Variants in ZNF76 observed in about 807,000 individuals in gnomAD.
ZNF76 encodes the protein zinc finger protein 523.
In ZNF76, 66 loss-of-function variants were observed where a neutral mutation model predicts 66.9. The observed-to-expected ratio is 0.99, with a 90% CI of 0.81 to 1.21. The LOEUF is 1.21. Ranked by LOEUF, ZNF76 falls within the 50% of genes most tolerant of loss-of-function variation. The pLI, the probability that ZNF76 is intolerant of heterozygous loss-of-function variation, is 0.00. For synonymous variants in ZNF76, 275 were observed against 296.1 expected (o/e 0.93, Z 0.73); for missense variants, 729 against 760.3 (o/e 0.96, Z 0.48).
At chr6:35,293,194 C>A in intron 11 of ZNF76, 150 bp downstream of exon 11, 1 of 914,092 alleles carries the variant, frequency 1.1e-6, no homozygotes, top group Non-Finnish European at 1.6e-6. Flanking sequence ...CTGAGGAGAC[C>A]ACATCTTGCA....
intron 2 of ZNF76, 42 bp from the exon 3 acceptor site, chr6:35,286,086 T>C: frequency 6.3e-7 from 1 of 1,597,852 alleles, no homozygotes; most frequent in Non-Finnish European, 8.6e-7. Context: ...CTTAGCCCTC[T>C]TCTGGTCCTG....
At position 35,293,737 on chromosome 6, in the gene ZNF76, C is replaced by G. The variant is rs775869884; in HGVS notation, c.1330-14C>G. On this transcript the variant is annotated splice_polypyrimidine_tract_variant and intron_variant, in intron 11 of 13. Transcript: ENST00000373953. ...CACTGACACTGCCAGCTCATCTTCC[C>G]CTCCTGTTGGCAGGTCAGCCTGTCC... 17 of 1,612,572 alleles carry G rather than the reference C, an allele frequency of 1.1e-5. No homozygotes were observed. The highest frequency in any genetic ancestry group is 1.4e-5 in the Non-Finnish European group (17 of 1,179,090).
At chr6:35,276,468 T>G (rs1374967005) in intron 1 of ZNF76, among the ~76,000 whole-genome samples, 5 of 152,220 alleles carry the variant, frequency 3.3e-5, no homozygotes, top group Non-Finnish European at 5.9e-5. Context: ...ATTTAATCCC[T>G]TACAGCAGGC....
chr6:35,288,649 C>CTCATGTCT (rs1789945176), intron 5 of ZNF76, among the ~76,000 whole-genome samples: 1 of 152,040 alleles, frequency 6.6e-6, no homozygotes, highest in South Asian at 2.1e-4. Context: ...AAAGGAAGTC[C>CTCATGTCT]TCATGTCTTT....
chr6:35,267,130 T>G (rs1786268400), intron 1 of ZNF76, among the ~76,000 whole-genome samples: 1 of 149,248 alleles, frequency 6.7e-6, no homozygotes, highest in South Asian at 2.1e-4. Flanking sequence ...GGTCTTGTTC[T>G]GTCACCCAGG....
chr6:35,268,851 G>T (rs1000138451), intron 1 of ZNF76, among the ~76,000 whole-genome samples: 1 of 151,628 alleles, frequency 6.6e-6, no homozygotes, highest in Non-Finnish European at 1.5e-5. Context: ...TTAACAGATG[G>T]CCCTAACCTG....
Position 35,294,854 on chromosome 6 carries a change from G to A in ZNF76, c.1608+285G>A, listed in dbSNP as rs1039106562. On this transcript the variant is annotated intron_variant, in intron 13 of 13. Coordinates refer to ENST00000373953, the MANE Select transcript of ZNF76 (RefSeq NM_003427.5). ...TGTCTCTGTTTCTTCATCTGGAAAT[G>A]AAGGAGGCTGACGTAGATGATCACC... The A allele has an allele frequency of 2.8e-5, 16 of 569,112 alleles. No homozygotes were observed. The Admixed American group carries it at 4.8e-4, about 17-fold the overall frequency. The allele number at this position is 569,112 out of a possible 1,614,324, so 35.3% of individuals were successfully genotyped here. A position where few individuals can be genotyped will look rare whatever the true frequency, so the allele number is the denominator to read the frequency against.
intron 1 of ZNF76, among the ~76,000 whole-genome samples, chr6:35,265,289 A>G (rs1156920782): frequency 4.6e-5 from 7 of 152,068 alleles, no homozygotes; most frequent in East Asian, 1.9e-4. Flanking sequence ...GGTAGATAAC[A>G]TGAGGCCAGG....
chr6:35,286,576 C>T (rs1029566815), intron 4 of ZNF76, 177 bp downstream of exon 4: 1 of 649,980 alleles, frequency 1.5e-6, no homozygotes, highest in Non-Finnish European at 2.8e-6. Flanking sequence ...CTGGTGCAGA[C>T]CACAGGAGCA....
At chr6:35,279,455 T>C (rs1003650772) in intron 1 of ZNF76, 4 of 131,444 alleles carry the variant, frequency 3.0e-5, no homozygotes, top group African/African-American at 9.3e-5. Context: ...TGGGACGGAG[T>C]CTCGCTCTGT....
chr6:35,290,493 A>C lies in ZNF76; in HGVS notation c.549+111A>C, dbSNP rs574470293. On this transcript the variant is annotated intron_variant, in intron 6 of 13. Transcript: ENST00000373953. ...CCCTGCCCTCACGTTGCTGGAGGGA[A>C]GAAATGAGGGTACACAGGAATGCCA... 7.8e-6 allele frequency: 12 copies of C among 1,540,590 alleles called. No individual in the cohort carries two copies. The South Asian group carries it at 1.2e-4, about 15-fold the overall frequency.
At chr6:35,273,275 C>T (rs532714144) in intron 1 of ZNF76, among the ~76,000 whole-genome samples, 283 of 151,352 alleles carry the variant, frequency 1.9e-3, no homozygotes, top group Non-Finnish European at 3.1e-3. Context: ...CAGGTTCAAG[C>T]GATTATCTTG....
Position 35,291,578 on chromosome 6 carries a change from C to A in ZNF76, c.772C>A (p.Pro258Thr), listed in dbSNP as rs773053740. ...CATAGGTGAACGCCCGTTCCAGTGCCCTTTTGAGGGCTGTGGCCGCTCCTT... is the reference window on the plus strand; with the variant it reads ...CATAGGTGAACGCCCGTTCCAGTGCACTTTTGAGGGCTGTGGCCGCTCCTT... ...THTGERPFQC[P>T]FEGCGRSFTT... is the part of the protein sequence containing the mutation. The change falls in exon 9 of 14, where the codon CCT becomes ACT. Residue 258 changes from proline (P) to threonine (T), a missense_variant. Coordinates refer to ENST00000373953, the MANE Select transcript of ZNF76 (RefSeq NM_003427.5). The A allele has an allele frequency of 1.2e-6, 2 of 1,613,840 alleles. No individual in the cohort carries two copies.
rs146408266 is a variant in ZNF76, at chr6:35,274,831, A to C, written c.-96-6225A>C. On this transcript the variant is annotated intron_variant, in intron 1 of 13. Coordinates refer to ENST00000373953, the MANE Select transcript of ZNF76 (RefSeq NM_003427.5). ...CAAAGGTGAAGGGTTGTTTTCCTGC[A>C]TCAGGACCAGTAATGGGTTAAGTTT... Among the ~76,000 whole-genome samples the C allele has an allele frequency of 2.6e-5, 4 of 152,230 alleles. No homozygotes were observed. In the East Asian group the frequency reaches 7.7e-4, roughly 29 times the overall value.
Position 35,293,927 on chromosome 6 carries a change from CGGT to C in ZNF76, c.1494+13_1494+15del. 7 of 1,612,730 alleles carry C rather than the reference CGGT, an allele frequency of 4.3e-6. No individual in the cohort carries two copies. The highest frequency in any genetic ancestry group is 5.9e-6 in the Non-Finnish European group (7 of 1,179,136). ...CCCAGACGCAGCCCGTATGACCAGG[CGGT>C]TTGCTTGGGGTTTCTTATTTTGTCA... On this transcript the variant is annotated intron_variant, in intron 12 of 13. Coordinates refer to ENST00000373953, the MANE Select transcript of ZNF76 (RefSeq NM_003427.5).
At chr6:35,289,033 G>C (rs1444481777) in intron 5 of ZNF76, among the ~76,000 whole-genome samples, 4 of 151,234 alleles carry the variant, frequency 2.6e-5, no homozygotes, top group African/African-American at 9.7e-5. Context: ...GTATATCTTA[G>C]AGACCAAATT....
Position 35,292,146 on chromosome 6 carries a change from C to T in ZNF76, c.932-408C>T. ...ATCCTCACCCTCCCCAGTGTTATGC[C>T]CCTCATCCAGCTTTCTGTGTTGTGT... On this transcript the variant is annotated intron_variant, in intron 9 of 13. Transcript: ENST00000373953. This position sits in a 1 kb window ranked among gnomAD's most constrained non-coding sequence, Gnocchi z 4.7. 1 of 402,580 alleles carries T rather than the reference C, an allele frequency of 2.5e-6. No individual in the cohort carries two copies. Among genetic ancestry groups the T allele is most frequent in the Non-Finnish European group, 4.7e-6 (1 of 213,852 alleles). The allele number at this position is 402,580 out of a possible 1,614,324, so 24.9% of individuals were successfully genotyped here. A position where few individuals can be genotyped will look rare whatever the true frequency, so the allele number is the denominator to read the frequency against.
chr6:35,288,325 C>T, intron 5 of ZNF76: 1 of 361,776 alleles, frequency 2.8e-6, no homozygotes, highest in South Asian at 2.1e-5. Context: ...AGGGCATGTG[C>T]AACAGAACAG....
At position 35,291,588 on chromosome 6, in the gene ZNF76, G is replaced by A. The variant is rs149925131; in HGVS notation, c.782G>A (p.Gly261Asp). Residue 261 changes from glycine to aspartate, a missense_variant, in exon 9 of 14, where the codon GGC becomes GAC. By Grantham distance (94) the Gly-to-Asp change is moderately conservative. Coordinates refer to ENST00000373953, the MANE Select transcript of ZNF76 (RefSeq NM_003427.5). ...CGCCCGTTCCAGTGCCCTTTTGAGGGCTGTGGCCGCTCCTTCACCACATCT... is the reference window on the plus strand; with the variant it reads ...CGCCCGTTCCAGTGCCCTTTTGAGGACTGTGGCCGCTCCTTCACCACATCT... ...GERPFQCPFE[G>D]CGRSFTTSNI... 1.3e-3 allele frequency: 2,029 copies of A among 1,613,968 alleles called. 3 individuals are homozygous for A. The highest frequency in any genetic ancestry group is 1.2e-3 in the Non-Finnish European group (1,425 of 1,179,908).
Sources: allele counts gnomAD v4.1 joint callset (sites outside exome capture counted in the v4.1 genomes callset), GRCh38; gene constraint gnomAD v4.1.1; non-coding constraint Gnocchi (gnomAD v3.1); transcripts MANE v1.5; gene names NCBI Gene and HGNC (gene_info 2026-07-23, HGNC 2026-07-21).